Variants in WWOX observed in about 807,000 individuals in gnomAD.
The protein encoded by WWOX is WW domain-containing oxidoreductase.
In WWOX, 69 loss-of-function variants were observed where a neutral mutation model predicts 46.2. The ratio of observed to expected loss-of-function variants is 1.49; its 90% CI spans 1.23 to 1.82. The LOEUF (loss-of-function observed/expected upper bound fraction) is 1.82. Ranked by LOEUF, WWOX falls within the 40% of genes most tolerant of loss-of-function variation. WWOX has a pLI of 0.00. For synonymous variants in WWOX, 359 were observed against 202.6 expected (o/e 1.77, Z -6.56); for missense variants, 919 against 542.6 (o/e 1.69, Z -6.89).
chr16:78,706,589 T>A (rs2048332631), intron 8 of WWOX, among the ~76,000 whole-genome samples: 1 of 152,210 alleles, frequency 6.6e-6, no homozygotes. Flanking sequence ...TGGTGCAGTC[T>A]CTCTGGCTTG....
At chr16:78,597,448 A>G (rs893518166) in intron 8 of WWOX, among the ~76,000 whole-genome samples, 3 of 152,030 alleles carry the variant, frequency 2.0e-5, no homozygotes, top group Admixed American at 2.0e-4. Flanking sequence ...ATGTTGCACC[A>G]TTTTCTGAGC....
intron 8 of WWOX, among the ~76,000 whole-genome samples, chr16:78,856,915 CT>C (rs1392442346): frequency 6.6e-6 from 1 of 152,196 alleles, no homozygotes; most frequent in Non-Finnish European, 1.5e-5. Context: ...ACCTGCCATA[CT>C]CCTAGGCTAG....
intron 8 of WWOX, among the ~76,000 whole-genome samples, chr16:78,876,141 C>T (rs554582278): frequency 6.6e-6 from 1 of 152,240 alleles, no homozygotes; most frequent in African/African-American, 2.4e-5. Flanking sequence ...CCTACGCTAC[C>T]TTATAATCCT....
chr16:78,848,336 T>C (rs1446758134), intron 8 of WWOX, among the ~76,000 whole-genome samples: 1 of 152,202 alleles, frequency 6.6e-6, no homozygotes, highest in African/African-American at 2.4e-5. Context: ...CCCACAGACC[T>C]TCCCAGACAG....
chr16:78,446,070 C>T (rs772849893), intron 8 of WWOX, among the ~76,000 whole-genome samples: 9 of 152,076 alleles, frequency 5.9e-5, no homozygotes, highest in Admixed American at 1.3e-4. Context: ...AAAGACTAAG[C>T]GCAAAATAGA....
intron 8 of WWOX, among the ~76,000 whole-genome samples, chr16:78,594,943 G>A (rs2045451617): frequency 6.6e-6 from 1 of 152,160 alleles, no homozygotes; most frequent in Non-Finnish European, 1.5e-5. Context: ...TGTCTCTCAG[G>A]AAAGCAGTGA....
chr16:78,260,659 C>A (rs1319315248), intron 5 of WWOX, among the ~76,000 whole-genome samples: 5 of 149,248 alleles, frequency 3.4e-5, no homozygotes, highest in African/African-American at 1.2e-4. Context: ...CAAAGCTATA[C>A]TCCATCTAAA....
intron 5 of WWOX, among the ~76,000 whole-genome samples, chr16:78,282,141 C>A (rs2079689856): frequency 6.6e-6 from 1 of 152,186 alleles, no homozygotes; most frequent in South Asian, 2.1e-4. Flanking sequence ...GCAGTCAAGG[C>A]TGGAGATAAT....
intron 5 of WWOX, chr16:78,281,027 C>G (rs903758611): frequency 6.6e-6 from 1 of 152,228 alleles, no homozygotes; most frequent in South Asian, 2.1e-4. Flanking sequence ...GGAAATACCA[C>G]TACTAAAAAC....
intron 8 of WWOX, chr16:79,004,843 C>G (rs1486350264): frequency 6.6e-6 from 1 of 152,196 alleles, no homozygotes; most frequent in African/African-American, 2.4e-5. Context: ...CCTCAGCTTG[C>G]TGGGGCCGTG....
chr16:78,962,302 C>CATTTT (rs2046285273), intron 8 of WWOX, among the ~76,000 whole-genome samples: 2 of 31,948 alleles, frequency 6.3e-5, no homozygotes, highest in African/African-American at 1.1e-4. Flanking sequence ...GCAAGGCATC[C>CATTTT]TTTTTTTTTT....
At chr16:78,394,077 A>T (rs924049701) in intron 6 of WWOX, among the ~76,000 whole-genome samples, 1 of 152,176 alleles carries the variant, frequency 6.6e-6, no homozygotes, top group African/African-American at 2.4e-5. Context: ...AATAAATTCC[A>T]AATTTTGTGG....
intron 8 of WWOX, among the ~76,000 whole-genome samples, chr16:79,154,806 G>C (rs1173593540): frequency 2.6e-5 from 4 of 152,178 alleles, no homozygotes; most frequent in Non-Finnish European, 4.4e-5. Flanking sequence ...GAACCTCTGA[G>C]CATGAACCAT....
chr16:78,643,305 AAAC>A lies in WWOX; in HGVS notation c.1056+210559_1056+210561del, dbSNP rs1202304313. Among the ~76,000 whole-genome samples, 3 of 152,342 alleles carry A rather than the reference AAAC, an allele frequency of 2.0e-5. No individual in the cohort carries two copies. The East Asian group carries it at 5.8e-4, about 29-fold the overall frequency. On this transcript the variant is annotated intron_variant, in intron 8 of 8. Transcript: ENST00000566780. Reference sequence around the variant, plus strand: ...AAGCATAGTCATATTTGGCTAACGAAAACAACAAAATCAACCGTGACAAGGTTT... The same window carrying A: ...AAGCATAGTCATATTTGGCTAACGAAAACAAAATCAACCGTGACAAGGTTT...
chr16:78,890,677 C>G (rs549190277), intron 8 of WWOX: 7 of 152,336 alleles, frequency 4.6e-5, no homozygotes, highest in African/African-American at 1.4e-4. Flanking sequence ...TTTCCCTAGA[C>G]CAGCATCTGA....
At chr16:78,824,220 C>T (rs1046063228) in intron 8 of WWOX, among the ~76,000 whole-genome samples, 1 of 152,120 alleles carries the variant, frequency 6.6e-6, no homozygotes, top group Non-Finnish European at 1.5e-5. Context: ...ACAGTCCACT[C>T]CTACATGTAG....
chr16:79,183,539 A>C (rs13330002), intron 8 of WWOX, among the ~76,000 whole-genome samples: 1 of 152,086 alleles, frequency 6.6e-6, no homozygotes. Flanking sequence ...AACCATAATC[A>C]TTGTGCTAAT....
chr16:78,256,926 C>A (rs61224601), intron 5 of WWOX, among the ~76,000 whole-genome samples: 4 of 152,108 alleles, frequency 2.6e-5, no homozygotes, highest in African/African-American at 9.7e-5. Context: ...AATCCCTAAT[C>A]TCCTGCACTG....
At chr16:79,154,261 G>T (rs1077008) in intron 8 of WWOX, among the ~76,000 whole-genome samples, 1 of 152,146 alleles carries the variant, frequency 6.6e-6, no homozygotes. Context: ...CCTGGACACC[G>T]GTGAGGTCAC....
Sources: gnomAD v4.1 joint callset for allele counts (sites outside exome capture counted in the v4.1 genomes callset) on GRCh38, gnomAD v4.1.1 for gene constraint, MANE v1.5 for transcripts, NCBI Gene and HGNC (gene_info 2026-07-23, HGNC 2026-07-21) for gene names.